CADM1: variants seen among roughly 807,000 people sequenced by gnomAD.
CADM1 encodes TSLC-1.
Under a neutral mutation model 53.1 loss-of-function variants are expected in CADM1, and 15 were observed. The ratio of observed to expected loss-of-function variants is 0.28; its 90% CI spans 0.19 to 0.44. CADM1 has a LOEUF of 0.44. CADM1 is among the 20% of genes least tolerant of loss of function. The probability of loss-of-function intolerance (pLI) is 1.00; values close to 1 mark genes in which losing one functional copy is unlikely to be tolerated. For missense variants in CADM1, 434 were observed against 611.3 expected (o/e 0.71, Z 3.06); for synonymous variants, 281 against 243.0 (o/e 1.16, Z -1.45).
rs879326706 is a variant in CADM1, at chr11:115,219,085, T to C, written c.722-1094A>G. 2.6e-5 allele frequency among the ~76,000 whole-genome samples: 4 copies of C among 152,278 alleles called. No individual in the cohort carries two copies. In the East Asian group the frequency reaches 5.8e-4, roughly 22 times the overall value. ...TGGAAATGTACCCAAGAGTAATAAA[T>C]GTGAGAGGGCAAGACATCGGTTGGC... is the stretch of plus-strand genomic sequence containing the variant. On this transcript the variant is annotated intron_variant, in intron 5 of 11. Transcript: ENST00000331581.
chr11:115,244,962 C>T (rs533319885), intron 1 of CADM1, among the ~76,000 whole-genome samples: 38 of 152,244 alleles, frequency 2.5e-4, no homozygotes, highest in African/African-American at 8.2e-4. Context: ...CAAGCTCTCG[C>T]CCCCGCTGCC....
chr11:115,250,066 G>A (rs4936324), intron 1 of CADM1, among the ~76,000 whole-genome samples: 1 of 151,900 alleles, frequency 6.6e-6, no homozygotes, highest in Non-Finnish European at 1.5e-5. Context: ...CACCACCCTG[G>A]CTAATTTTTT....
chr11:115,293,989 A>G (rs1591679691), intron 1 of CADM1, among the ~76,000 whole-genome samples: 2 of 152,210 alleles, frequency 1.3e-5, no homozygotes, highest in Non-Finnish European at 2.9e-5. Context: ...ACATATCTTA[A>G]GTTATTTCAC....
intron 6 of CADM1, among the ~76,000 whole-genome samples, chr11:115,216,435 G>A (rs1314132962): frequency 1.3e-5 from 2 of 152,204 alleles, no homozygotes; most frequent in Non-Finnish European, 2.9e-5. Context: ...TAATGTGGCC[G>A]AGCACGGGTA....
chr11:115,406,894 G>C (rs954590240), intron 1 of CADM1, among the ~76,000 whole-genome samples: 2 of 151,062 alleles, frequency 1.3e-5, no homozygotes, highest in African/African-American at 4.9e-5. Context: ...AGGTTGCAGT[G>C]AGCCGAGATT....
intron 5 of CADM1, among the ~76,000 whole-genome samples, chr11:115,222,642 T>C (rs553629533): frequency 5.9e-5 from 9 of 152,202 alleles, no homozygotes; most frequent in East Asian, 1.9e-4. Flanking sequence ...GGCTGAACGA[T>C]TGTGAGTGGG....
chr11:115,363,437 G>A (rs1946081281), intron 1 of CADM1, among the ~76,000 whole-genome samples: 1 of 152,118 alleles, frequency 6.6e-6, no homozygotes. Context: ...TGTAAGAAAT[G>A]GGTTAAGGAT....
chr11:115,171,315 C>T lies in CADM1; in HGVS notation c.*5159G>A, dbSNP rs1418500565. ...GGTCTTTCTACCTGTAACACAGTGG[C>T]CACATGGTTTCTTTGAGGTTCTTGA... On this transcript the variant is annotated 3_prime_UTR_variant, in exon 12 of 12. Transcript: ENST00000331581. 6.6e-6 allele frequency: 1 copy of T among 152,180 alleles called. No individual in the cohort carries two copies. The highest frequency in any genetic ancestry group is 1.5e-5 in the Non-Finnish European group (1 of 68,038). The allele number at this position is 152,180 out of a possible 1,614,324, so 9.4% of individuals were successfully genotyped here.
chr11:115,400,142 T>C (rs1176032227), intron 1 of CADM1, among the ~76,000 whole-genome samples: 1 of 152,158 alleles, frequency 6.6e-6, no homozygotes, highest in African/African-American at 2.4e-5. Context: ...CAACTAGGTC[T>C]GTTGGCTATA....
In CADM1 at chr11:115,504,342, G is replaced by A; in HGVS notation, c.53C>T (p.Ala18Val). 6.5e-7 allele frequency: 1 copy of A among 1,548,592 alleles called. No individual in the cohort carries two copies. The change falls in exon 1 of 12, where the codon GCG (alanine) becomes GTG (valine). Residue 18 changes from alanine to valine, a missense_variant. By Grantham distance (64) the Ala-to-Val change is moderately conservative. This residue lies in a region of CADM1 where 76 missense variants were observed against 59.8 expected (regional missense o/e 1.27). Coordinates refer to ENST00000331581, the MANE Select transcript of CADM1 (RefSeq NM_001301043.2). ...SGSQCAAAAA[A>V]AAPPGLRLRL... ...GAGCCGGAGCCCGGGAGGCGCCGCC[G>A]CCGCCGCTGCCGCCGCACACTGGGA... is the stretch of plus-strand genomic sequence containing the variant.
intron 1 of CADM1, among the ~76,000 whole-genome samples, chr11:115,316,118 T>C (rs1944660858): frequency 6.6e-6 from 1 of 152,198 alleles, no homozygotes; most frequent in African/African-American, 2.4e-5. Flanking sequence ...AAGGATTTTG[T>C]CATTTACTGG....
At chr11:115,456,364 T>C (rs1044449076) in intron 1 of CADM1, among the ~76,000 whole-genome samples, 1 of 152,082 alleles carries the variant, frequency 6.6e-6, no homozygotes, top group East Asian at 1.9e-4. Context: ...AGATTCTACA[T>C]ACTTGATAGG....
At chr11:115,449,317 AAAT>A (rs1362099256) in intron 1 of CADM1, among the ~76,000 whole-genome samples, 1 of 152,236 alleles carries the variant, frequency 6.6e-6, no homozygotes. Context: ...TTGCCAATGA[AAAT>A]AATGATTGTG....
At chr11:115,428,171 A>G (rs774205963) in intron 1 of CADM1, among the ~76,000 whole-genome samples, 3 of 152,138 alleles carry the variant, frequency 2.0e-5, no homozygotes, top group Admixed American at 6.6e-5. Context: ...ACAAAGGTAC[A>G]AATATTTATG....
At chr11:115,405,954 G>A (rs1010310569) in intron 1 of CADM1, among the ~76,000 whole-genome samples, 1 of 152,118 alleles carries the variant, frequency 6.6e-6, no homozygotes, top group Admixed American at 6.5e-5. Flanking sequence ...GTTAAGATGT[G>A]ACAAAGCTAG....
chr11:115,357,111 A>C (rs1042659595), intron 1 of CADM1, among the ~76,000 whole-genome samples: 1 of 152,150 alleles, frequency 6.6e-6, no homozygotes, highest in Non-Finnish European at 1.5e-5. Context: ...CCTGGAACAA[A>C]ATCTCCAATA....
At chr11:115,358,633 A>T (rs1422149979) in intron 1 of CADM1, among the ~76,000 whole-genome samples, 1 of 151,910 alleles carries the variant, frequency 6.6e-6, no homozygotes, top group African/African-American at 2.4e-5. Flanking sequence ...CAATTATTAC[A>T]CTCTTTTTAT....
chr11:115,384,333 T>C (rs1386080513), intron 1 of CADM1, among the ~76,000 whole-genome samples: 4 of 152,100 alleles, frequency 2.6e-5, no homozygotes, highest in African/African-American at 9.7e-5. Flanking sequence ...TTACCAACTC[T>C]TTTCTCCATT....
intron 1 of CADM1, among the ~76,000 whole-genome samples, chr11:115,338,270 A>G (rs1945320193): frequency 6.6e-6 from 1 of 152,218 alleles, no homozygotes; most frequent in Non-Finnish European, 1.5e-5. Context: ...ATTGTTAAAT[A>G]TCTTTTATAG....
Sources: gnomAD v4.1 joint callset for allele counts (sites outside exome capture counted in the v4.1 genomes callset) on GRCh38, gnomAD v4.1.1 for gene constraint, gnomAD v4.1.1 regional missense constraint, MANE v1.5 for transcripts, NCBI Gene and HGNC (gene_info 2026-07-23, HGNC 2026-07-21) for gene names.